Variants in DPP10 observed in about 807,000 individuals in gnomAD.
DPP10 encodes the protein dipeptidyl peptidase like 10, also known as inactive dipeptidyl peptidase 10.
DPP10 carries 33 observed loss-of-function variants against 120.9 expected under a neutral mutation model. The observed-to-expected ratio is 0.27, with a 90% CI of 0.21 to 0.37. DPP10 has a LOEUF of 0.37. Ranked by LOEUF, DPP10 falls within the 10% of genes least tolerant of loss-of-function variation. DPP10 has a pLI of 1.00. For synonymous variants in DPP10, 337 were observed against 326.1 expected (o/e 1.03, Z -0.36); for missense variants, 816 against 942.8 (o/e 0.87, Z 1.76).
At chr2:115,312,274 A>G (rs2106042214) in intron 2 of DPP10, among the ~76,000 whole-genome samples, 1 of 152,304 alleles carries the variant, frequency 6.6e-6, no homozygotes. Flanking sequence ...TCAAGTGCCT[A>G]GAAGATTATG....
rs563368444 is a variant in DPP10, at chr2:115,747,230, G to C, written c.950+1047G>C. On this transcript the variant is annotated intron_variant, in intron 10 of 25. Coordinates refer to ENST00000410059, the MANE Select transcript of DPP10 (RefSeq NM_020868.6). ...GGCTCAGGACTCATTGATAAGAAAA[G>C]TAGAAAATGAAGTAAGGACTCTTTC... Among the ~76,000 whole-genome samples the C allele has an allele frequency of 2.6e-5, 4 of 152,148 alleles. No individual in the cohort carries two copies. In the South Asian group the frequency reaches 8.3e-4, roughly 31 times the overall value.
chr2:114,767,195 G>A (rs1467301765), intron 1 of DPP10, among the ~76,000 whole-genome samples: 11 of 110,806 alleles, frequency 9.9e-5, no homozygotes, highest in African/African-American at 3.9e-4. Flanking sequence ...CAATGCTCAG[G>A]TAGGATAAAA....
At chr2:115,049,878 A>C (rs543682984) in intron 1 of DPP10, among the ~76,000 whole-genome samples, 1 of 152,332 alleles carries the variant, frequency 6.6e-6, no homozygotes, top group African/African-American at 2.4e-5. Flanking sequence ...GGAATAGGCT[A>C]GGGAGAAAAT....
chr2:114,772,022 C>G (rs1488806413), intron 1 of DPP10, among the ~76,000 whole-genome samples: 1 of 151,896 alleles, frequency 6.6e-6, no homozygotes, highest in South Asian at 2.1e-4. Context: ...CTGAGATAAT[C>G]TTTTTCCACA....
At chr2:114,470,177 C>T (rs971912131) in intron 1 of DPP10, among the ~76,000 whole-genome samples, 1 of 152,162 alleles carries the variant, frequency 6.6e-6, no homozygotes, top group African/African-American at 2.4e-5. Flanking sequence ...CCGTCAAAAC[C>T]ATTGCTGTGT....
At chr2:115,319,134 G>T (rs2061939515) in intron 2 of DPP10, among the ~76,000 whole-genome samples, 1 of 151,948 alleles carries the variant, frequency 6.6e-6, no homozygotes, top group Admixed American at 6.6e-5. Flanking sequence ...TTGTCAAATA[G>T]ATTTTATCAA....
intron 1 of DPP10, among the ~76,000 whole-genome samples, chr2:114,870,097 G>T (rs1443430442): frequency 6.6e-6 from 1 of 152,026 alleles, no homozygotes; most frequent in Non-Finnish European, 1.5e-5. Context: ...CTATACTTGG[G>T]CATGGATCTC....
chr2:115,325,357 A>G (rs896673678), intron 2 of DPP10, among the ~76,000 whole-genome samples: 4 of 152,202 alleles, frequency 2.6e-5, no homozygotes, highest in Admixed American at 2.0e-4. Flanking sequence ...GAAGTAATAA[A>G]TAATAATACA....
At chr2:115,163,142 A>G (rs1223401365) in intron 1 of DPP10, among the ~76,000 whole-genome samples, 1 of 152,134 alleles carries the variant, frequency 6.6e-6, no homozygotes, top group Non-Finnish European at 1.5e-5. Context: ...AGCGTGGGAT[A>G]GAGGGAGCGC....
At position 114,505,794 on chromosome 2, in the gene DPP10, C is replaced by T. The variant is rs376007464; in HGVS notation, c.60+62956C>T. ...CCTTCAGTCTTCTCGGACTCTCCAG[C>T]TCATTCTGCTTTCCTCTATCTATGA... On this transcript the variant is annotated intron_variant, in intron 1 of 25. Transcript: ENST00000410059. 2.2e-3 allele frequency among the ~76,000 whole-genome samples: 342 copies of T among 152,304 alleles called. 2 individuals are homozygous for T. The highest frequency in any genetic ancestry group is 7.6e-3 in the African/African-American group (316 of 41,560).
intron 1 of DPP10, among the ~76,000 whole-genome samples, chr2:114,807,520 G>A (rs769644568): frequency 6.6e-6 from 1 of 151,990 alleles, no homozygotes; most frequent in African/African-American, 2.4e-5. Flanking sequence ...CTGTATTTTT[G>A]TTATGGTAAT....
At chr2:115,353,940 A>G (rs1351433544) in intron 3 of DPP10, among the ~76,000 whole-genome samples, 2 of 152,166 alleles carry the variant, frequency 1.3e-5, no homozygotes, top group Non-Finnish European at 2.9e-5. Context: ...GATTTAAGGA[A>G]AACAATATTA....
intron 1 of DPP10, among the ~76,000 whole-genome samples, chr2:114,936,696 C>CTA (rs923916833): frequency 3.9e-5 from 6 of 152,196 alleles, no homozygotes; most frequent in African/African-American, 1.4e-4. Flanking sequence ...GTACTATTCA[C>CTA]TATACACTAT....
intron 1 of DPP10, among the ~76,000 whole-genome samples, chr2:114,685,121 C>T (rs530772308): frequency 1.3e-5 from 2 of 152,060 alleles, no homozygotes; most frequent in Admixed American, 1.3e-4. Context: ...TTCTAAATGT[C>T]TGGTTGCCCT....
Position 115,314,163 on chromosome 2 carries a change from A to G in DPP10, c.175+4810A>G, listed in dbSNP as rs561127952. Among the ~76,000 whole-genome samples, 13 of 152,308 alleles carry G rather than the reference A, an allele frequency of 8.5e-5. No individual in the cohort carries two copies. In the South Asian group the frequency reaches 2.7e-3, roughly 32 times the overall value. Reference sequence around the variant, plus strand: ...TTTTAAGAACAAAGGTGCATATTTTATGAGTCAGAATGCAGTTGATACAGG... The same window carrying G: ...TTTTAAGAACAAAGGTGCATATTTTGTGAGTCAGAATGCAGTTGATACAGG... On this transcript the variant is annotated intron_variant, in intron 2 of 25. Coordinates refer to ENST00000410059, the MANE Select transcript of DPP10 (RefSeq NM_020868.6).
At chr2:114,541,884 G>C (rs1379580193) in intron 1 of DPP10, among the ~76,000 whole-genome samples, 4 of 151,826 alleles carry the variant, frequency 2.6e-5, no homozygotes, top group Non-Finnish European at 5.9e-5. Flanking sequence ...TTGAGTAATG[G>C]GATTATGGTT....
At chr2:115,630,368 T>G (rs1265765456) in intron 5 of DPP10, among the ~76,000 whole-genome samples, 1 of 152,140 alleles carries the variant, frequency 6.6e-6, no homozygotes, top group Non-Finnish European at 1.5e-5. Context: ...ACAGTTTGAC[T>G]TCCTCTCTTC....
At chr2:115,456,614 G>A (rs1392769942) in intron 3 of DPP10, among the ~76,000 whole-genome samples, 1 of 152,236 alleles carries the variant, frequency 6.6e-6, no homozygotes, top group East Asian at 1.9e-4. Flanking sequence ...TATACACCAT[G>A]GAATACTATG....
chr2:114,538,376 T>C (rs1686687457), intron 1 of DPP10, among the ~76,000 whole-genome samples: 1 of 152,154 alleles, frequency 6.6e-6, no homozygotes, highest in Non-Finnish European at 1.5e-5. Flanking sequence ...TTTGGAGATC[T>C]AGTGCAAACC....
Sources: gnomAD v4.1 joint callset for allele counts (sites outside exome capture counted in the v4.1 genomes callset) on GRCh38, gnomAD v4.1.1 for gene constraint, MANE v1.5 for transcripts, NCBI Gene and HGNC (gene_info 2026-07-23, HGNC 2026-07-21) for gene names.